The following CAD variants were observed in gnomAD, a reference collection of about 807,000 sequenced individuals.
CAD encodes multifunctional protein CAD.
In CAD, 81 loss-of-function variants were observed where a neutral mutation model predicts 237.2. That is an observed-to-expected ratio of 0.34 (90% CI 0.29 to 0.41). The LOEUF (loss-of-function observed/expected upper bound fraction) is 0.41. Ranked by LOEUF, CAD falls within the 10% of genes least tolerant of loss-of-function variation. The probability of loss-of-function intolerance (pLI) is 1.00; values close to 1 mark genes in which losing one functional copy is unlikely to be tolerated. For missense variants in CAD, 2,181 were observed against 2,951.7 expected, an observed-to-expected ratio of 0.74 and a Z score of 6.05; for synonymous variants, 1,196 against 1,162.8, an observed-to-expected ratio of 1.03 and a Z score of -0.58.
chr2:27,221,705 TTAA>T (rs1391382174), intron 3 of CAD, among the ~76,000 whole-genome samples: 4 of 150,686 alleles, frequency 2.7e-5, no homozygotes, highest in African/African-American at 4.9e-5. Flanking sequence ...ACTAAAAAAA[TTAA>T]TAATTCCCTA....
At chr2:27,229,635 T>C (rs1207180445) in intron 15 of CAD, among the ~76,000 whole-genome samples, 1 of 151,936 alleles carries the variant, frequency 6.6e-6, no homozygotes, top group African/African-American at 2.4e-5. Flanking sequence ...CCCAGCACAT[T>C]GGGAGGGTGA....
intron 15 of CAD, among the ~76,000 whole-genome samples, chr2:27,228,814 G>A (rs752542022): frequency 2.6e-5 from 4 of 151,774 alleles, no homozygotes; most frequent in Non-Finnish European, 2.9e-5. Context: ...GGTCTTGAAC[G>A]CCCGTGCTCA....
chr2:27,239,145 G>A lies in CAD; in HGVS notation c.5166G>A (p.Arg1722=), dbSNP rs1201593294. ...TCCTGACGGCTGTAAGCGAGGGCCG[G>A]CTCAGCCTGGACGACCTGCTGCAGC... ...PLLLTAVSEG[R]LSLDDLLQRL... Residue 1722 remains arginine, a synonymous_variant, in exon 32 of 44, where the codon CGG becomes CGA. Coordinates refer to ENST00000264705, the MANE Select transcript of CAD (RefSeq NM_004341.5). This position sits in a 1 kb window ranked among gnomAD's most constrained non-coding sequence, Gnocchi z 4.0. 3 of 1,613,524 alleles carry A rather than the reference G, an allele frequency of 1.9e-6. No homozygotes were observed.
At position 27,241,949 on chromosome 2, in the gene CAD, A is replaced by G. The variant is rs199758797; in HGVS notation, c.5922A>G (p.Thr1974=). Residue 1974 remains threonine (T), a synonymous_variant, in exon 39 of 44, where the codon ACA becomes ACG. Transcript: ENST00000264705. This position sits in a 1 kb window ranked among gnomAD's most constrained non-coding sequence, Gnocchi z 4.6. ...VMASMFYEVS[T]RTSSSFAAAM... is the part of the protein sequence containing the mutation. ...CCTCCATGTTCTATGAAGTGAGCAC[A>G]CGGACCAGCAGCTCCTTTGCAGCAG... 3 of 1,613,708 alleles carry G rather than the reference A, an allele frequency of 1.9e-6. No homozygotes were observed. The highest frequency in any genetic ancestry group is 2.5e-6 in the Non-Finnish European group (3 of 1,180,006).
At position 27,235,120 on chromosome 2, in the gene CAD, C is replaced by A; in HGVS notation, c.3787-125C>A. The stretch of plus-strand genomic sequence containing the variant: ...TACGTTTGGAAAGCAGGAGGGCACA[C>A]AGAGAGGGCAGGCTGACCCTGCCAT... On this transcript the variant is annotated intron_variant, in intron 23 of 43. Coordinates refer to ENST00000264705, the MANE Select transcript of CAD (RefSeq NM_004341.5). The surrounding 1 kb of genome is among the most constrained non-coding windows in gnomAD (Gnocchi z 5.2). 1 of 843,080 alleles carries A rather than the reference C, an allele frequency of 1.2e-6. No individual in the cohort carries two copies. The highest frequency in any genetic ancestry group is 1.8e-6 in the Non-Finnish European group (1 of 556,224). 52.2% of individuals were successfully genotyped at this position (843,080 alleles called of 1,614,324 possible).
Position 27,237,911 on chromosome 2 carries a change from AC to A in CAD, c.4728+31del. ...GGGAGTGTGCATGTGGCAGGAGGCC[AC>A]CACCCAGTGTCTCCTGGCTTGTGGG... On this transcript the variant is annotated intron_variant, in intron 29 of 43. Transcript: ENST00000264705. The surrounding 1 kb of genome is among the most constrained non-coding windows in gnomAD (Gnocchi z 4.0). The A allele has an allele frequency of 1.9e-6, 3 of 1,585,870 alleles. No homozygotes were observed. Among genetic ancestry groups the A allele is most frequent in the Non-Finnish European group, 2.6e-6 (3 of 1,163,062 alleles).
chr2:27,225,554 C>G (rs903650784), intron 11 of CAD, 151 bp from the exon 12 acceptor site: 10 of 636,682 alleles, frequency 1.6e-5, no homozygotes, highest in East Asian at 1.0e-4. Flanking sequence ...GATCCACCCC[C>G]CCGACCCTCG....
In CAD at chr2:27,242,165, G is replaced by C; in HGVS notation, c.6096+42G>C. ...TACTGAGATGGGGTTAAGAAGGCTG[G>C]ACCCAGGGGCATGAGAACCCTTCTG... On this transcript the variant is annotated intron_variant, in intron 39 of 43. Transcript: ENST00000264705. The surrounding 1 kb of genome is among the most constrained non-coding windows in gnomAD (Gnocchi z 6.4). 1 of 1,601,362 alleles carries C rather than the reference G, an allele frequency of 6.2e-7. No individual in the cohort carries two copies. The highest frequency in any genetic ancestry group is 2.2e-5 in the East Asian group (1 of 44,604).
In CAD at chr2:27,242,240, G is replaced by T. The variant is rs1676355449; in HGVS notation, c.6097-62G>T. 2 of 1,583,814 alleles carry T rather than the reference G, an allele frequency of 1.3e-6. No homozygotes were observed. Among genetic ancestry groups the T allele is most frequent in the Non-Finnish European group, 1.7e-6 (2 of 1,161,718 alleles). ...AGATGAGTGAGGGGACCCCAGAAGA[G>T]GGGGACTGGCAGTTGGGGGGCCTCT... On this transcript the variant is annotated intron_variant, in intron 39 of 43. Coordinates refer to ENST00000264705, the MANE Select transcript of CAD (RefSeq NM_004341.5). This position sits in a 1 kb window ranked among gnomAD's most constrained non-coding sequence, Gnocchi z 6.4.
In CAD at chr2:27,232,156, G is replaced by T; in HGVS notation, c.2577G>T (p.Pro859=). 8 of 1,614,212 alleles carry T rather than the reference G, an allele frequency of 5.0e-6. No homozygotes were observed. The highest frequency in any genetic ancestry group is 5.9e-6 in the Non-Finnish European group (7 of 1,180,044). ...LLEQHRGQPL[P]PDLLQQAKCL... ...AACAACACCGTGGACAGCCTTTGCC[G>T]CCAGACCTGCTGCAACAGGCCAAGT... The change falls in exon 17 of 44, where the codon CCG becomes CCT. Residue 859 remains proline (P), a synonymous_variant. Coordinates refer to ENST00000264705, the MANE Select transcript of CAD (RefSeq NM_004341.5). The surrounding 1 kb of genome is among the most constrained non-coding windows in gnomAD (Gnocchi z 4.1).
rs199997580 is a variant in CAD at position 27,233,546 on chromosome 2, G to A, written c.3216+10G>A. On this transcript the variant is annotated intron_variant, in intron 20 of 43. Coordinates refer to ENST00000264705, the MANE Select transcript of CAD (RefSeq NM_004341.5). This position sits in a 1 kb window ranked among gnomAD's most constrained non-coding sequence, Gnocchi z 6.3. The stretch of plus-strand genomic sequence containing the variant: ...GCTCAGTGACCTCGAGGTGGGCTGG[G>A]ACCTGGTGGGTTACCCGGAGGCTGG... 1 of 1,614,004 alleles carries A rather than the reference G, an allele frequency of 6.2e-7. No individual in the cohort carries two copies.
chr2:27,222,279 A>G lies in CAD; in HGVS notation c.438A>G (p.Ser146=). The G allele has an allele frequency of 6.2e-7, 1 of 1,613,988 alleles. No individual in the cohort carries two copies. The highest frequency in any genetic ancestry group is 8.5e-7 in the Non-Finnish European group (1 of 1,179,880). ...TGGTCCAGAATGGAACAGAACCTTC[A>G]TCCCTGCCATTCTTGGACCCCAATG... ...GKLVQNGTEP[S]SLPFLDPNAR... is the part of the protein sequence containing the mutation. The change falls in exon 4 of 44, where the codon TCA becomes TCG. Residue 146 remains serine (S), a synonymous_variant. Transcript: ENST00000264705.
chr2:27,242,726 G>T lies in CAD; in HGVS notation c.6329G>T (p.Arg2110Leu), dbSNP rs759380014. ...CGCTACGTGGCACCTCCCAGCCTGC[G>T]CATGCCACCCACTGTGCGGGCCTTC... is the stretch of plus-strand genomic sequence containing the variant. ...SLRYVAPPSL[R>L]MPPTVRAFVA... The change falls in exon 41 of 44, where the codon CGC becomes CTC. Residue 2110 changes from arginine to leucine, a missense_variant. Arg to Leu is a moderately radical substitution (Grantham distance 102). Coordinates refer to ENST00000264705, the MANE Select transcript of CAD (RefSeq NM_004341.5). This position sits in a 1 kb window ranked among gnomAD's most constrained non-coding sequence, Gnocchi z 6.4. The T allele has an allele frequency of 1.2e-6, 2 of 1,614,176 alleles. No homozygotes were observed. The highest frequency in any genetic ancestry group is 1.7e-6 in the Non-Finnish European group (2 of 1,180,030).
rs186185588 is a variant in CAD at position 27,228,334 on chromosome 2, A to G, written c.2287+1372A>G. On this transcript the variant is annotated intron_variant, in intron 15 of 43. Transcript: ENST00000264705. ...TTTGTATTATGAAGCACAGACTTCT[A>G]TAAAGTTATTCGTACTCATCAAGGG... Among the ~76,000 whole-genome samples, 78 of 152,360 alleles carry G rather than the reference A, an allele frequency of 5.1e-4. 1 individual carries two copies. The highest frequency in any genetic ancestry group is 8.7e-4 in the Non-Finnish European group (59 of 68,030).
At position 27,231,922 on chromosome 2, in the gene CAD, G is replaced by A. The variant is rs918214637; in HGVS notation, c.2401-58G>A. ...TCCTGAGACAAGAGCAGCTACTTAC[G>A]CTCAGGCTTTTAGATGGGCTGGCAG... is the stretch of plus-strand genomic sequence containing the variant. On this transcript the variant is annotated intron_variant, in intron 16 of 43. Coordinates refer to ENST00000264705, the MANE Select transcript of CAD (RefSeq NM_004341.5). 9.3e-6 allele frequency: 15 copies of A among 1,605,224 alleles called. No homozygotes were observed. In the South Asian group the frequency reaches 1.1e-4, roughly 12 times the overall value.
rs766714878 is a variant in CAD at position 27,237,583 on chromosome 2, A to G, written c.4563+38A>G. On this transcript the variant is annotated intron_variant, in intron 28 of 43. Transcript: ENST00000264705. This position sits in a 1 kb window ranked among gnomAD's most constrained non-coding sequence, Gnocchi z 4.0. Reference sequence around the variant, plus strand: ...ACTCTTCCTGGTATTGGAGACCCATATGCCCCTACCAGCCACCCTTGCTTC... The same window carrying G: ...ACTCTTCCTGGTATTGGAGACCCATGTGCCCCTACCAGCCACCCTTGCTTC... 5.6e-6 allele frequency: 9 copies of G among 1,598,002 alleles called. No homozygotes were observed. The highest frequency in any genetic ancestry group is 1.7e-5 in the Admixed American group (1 of 59,244).
At chr2:27,226,777 T>C in intron 14 of CAD, 55 bp from the exon 15 acceptor site, 1 of 1,606,858 alleles carries the variant, frequency 6.2e-7, no homozygotes, top group Non-Finnish European at 8.5e-7. Context: ...ATCCGGAAGC[T>C]CACCCTTTAT....
At chr2:27,226,055 A>G in intron 12 of CAD, 76 bp from the exon 13 acceptor site, 1 of 1,500,830 alleles carries the variant, frequency 6.7e-7, no homozygotes, top group Non-Finnish European at 9.3e-7. Flanking sequence ...CCCAGAGGTA[A>G]CAGGACCCTG....
chr2:27,217,620 T>C lies in CAD; in HGVS notation c.69T>C (p.Thr23=). Residue 23 remains threonine (T), a synonymous_variant, in exon 1 of 44, where the codon ACT becomes ACC. Transcript: ENST00000264705. The part of the protein sequence containing the change: ...RGQPFGAAVS[T]AGEVVFQTGM... ...AGCCCTTTGGGGCCGCCGTGTCGAC[T>C]GCCGGGGAAGTGGGTAAGCAAGCCC... is the stretch of plus-strand genomic sequence containing the variant. The C allele has an allele frequency of 6.2e-7, 1 of 1,607,504 alleles. No individual in the cohort carries two copies. The highest frequency in any genetic ancestry group is 8.5e-7 in the Non-Finnish European group (1 of 1,177,314).
Sources: gnomAD v4.1 joint callset for allele counts (sites outside exome capture counted in the v4.1 genomes callset) on GRCh38, gnomAD v4.1.1 for gene constraint, Gnocchi (gnomAD v3.1) non-coding constraint, MANE v1.5 for transcripts, NCBI Gene and HGNC (gene_info 2026-07-23, HGNC 2026-07-21) for gene names.